The following PRDM12 variants were observed in gnomAD, a reference collection of about 807,000 sequenced individuals.
The protein encoded by PRDM12 is PR domain zinc finger protein 12.
In PRDM12, 17 loss-of-function variants were observed where a neutral mutation model predicts 29.6. The observed-to-expected ratio is 0.57, with a 90% CI of 0.39 to 0.86. The LOEUF (loss-of-function observed/expected upper bound fraction) is 0.86, where lower values mean the gene tolerates loss of function less well. PRDM12 is among the 40% of genes least tolerant of loss of function. PRDM12 has a pLI of 0.00. For synonymous variants in PRDM12, 231 were observed against 225.8 expected, an observed-to-expected ratio of 1.02 and a Z score of -0.21; for missense variants, 422 against 510.8, an observed-to-expected ratio of 0.83 and a Z score of 1.68.
chr9:130,674,640 A>G (rs570052243), intron 3 of PRDM12, among the ~76,000 whole-genome samples: 1 of 152,192 alleles, frequency 6.6e-6, no homozygotes, highest in Non-Finnish European at 1.5e-5. Context: ...AATAGTCTCG[A>G]AATGGCAAAC....
intron 3 of PRDM12, among the ~76,000 whole-genome samples, chr9:130,675,048 T>A (rs1021600875): frequency 6.6e-5 from 10 of 151,972 alleles, no homozygotes; most frequent in African/African-American, 2.4e-4. Flanking sequence ...CCTGGCTAAT[T>A]TTTGTATTTT....
intron 1 of PRDM12, 78 bp from the exon 2 acceptor site, chr9:130,666,530 G>A: frequency 9.0e-6 from 14 of 1,547,106 alleles, no homozygotes; most frequent in Middle Eastern, 2.2e-4. Flanking sequence ...GACCGAAGCC[G>A]GGGTCCCGGC....
At chr9:130,678,139 A>C (rs75686705) in intron 3 of PRDM12, among the ~76,000 whole-genome samples, 4,845 of 152,038 alleles carry the variant, frequency 0.032, 291 homozygotes, top group African/African-American at 0.11. Flanking sequence ...CCCTTCTTGG[A>C]AACATCTGGC....
In PRDM12 at chr9:130,666,644, A is replaced by C. The variant is rs1246369238; in HGVS notation, c.260A>C (p.Glu87Ala). The change falls in exon 2 of 5, where the codon GAG (glutamate) becomes GCG (alanine). Residue 87 changes from glutamate to alanine, a missense_variant. Physicochemically the swap from Glu to Ala is moderately radical, Grantham distance 107 (BLOSUM62 -1). Coordinates refer to ENST00000253008, the MANE Select transcript of PRDM12 (RefSeq NM_021619.3). ...CTGTCCAGCCTGGTGCTGCCTGCGG[A>C]GGTGATCATCGCTCAGAGCTCCATC... is the stretch of plus-strand genomic sequence containing the variant. Reference protein sequence around the residue: ...QKLSSLVLPAEVIIAQSSIPG... With the variant: ...QKLSSLVLPAAVIIAQSSIPG... 3.7e-6 allele frequency: 6 copies of C among 1,612,600 alleles called. No homozygotes were observed. Among genetic ancestry groups the C allele is most frequent in the Non-Finnish European group, 5.1e-6 (6 of 1,179,600 alleles).
At chr9:130,679,330 CTTTTTTTTTTT>C (rs68186892) in intron 4 of PRDM12, among the ~76,000 whole-genome samples, 3 of 116,540 alleles carry the variant, frequency 2.6e-5, no homozygotes, top group South Asian at 2.8e-4. Flanking sequence ...TTCTTTCTTC[CTTTTTTTTTTT>C]TTTTTTTTTG....
intron 3 of PRDM12, among the ~76,000 whole-genome samples, chr9:130,677,539 T>C (rs192470616): frequency 1.1e-4 from 17 of 152,328 alleles, no homozygotes; most frequent in Non-Finnish European, 1.9e-4. Flanking sequence ...CATCGGATAG[T>C]GGCCCCCAGG....
chr9:130,670,251 T>C (rs528501728), intron 3 of PRDM12, among the ~76,000 whole-genome samples: 32 of 152,114 alleles, frequency 2.1e-4, no homozygotes, highest in Middle Eastern at 6.8e-3. Flanking sequence ...GACCGACCTT[T>C]AGTCCATGTT....
chr9:130,666,881 CG>C, intron 2 of PRDM12, 83 bp downstream of exon 2: 1 of 1,484,456 alleles, frequency 6.7e-7, no homozygotes, highest in Non-Finnish European at 9.0e-7. Flanking sequence ...CGGCCGTCGC[CG>C]CTTCCACCCG....
chr9:130,681,613 G>T lies in PRDM12; in HGVS notation c.1048G>T (p.Ala350Ser). ...CGCGCACGCGCCCGCGCTCGCCGCC[G>T]CCGCCGCCGCCGCCGCCGCCGCCGC... ...PHAHAPALAA[A>S]AAAAAAAAAH... Residue 350 changes from alanine (A) to serine (S), a missense_variant, in exon 5 of 5, where the codon GCC becomes TCC. Physicochemically the swap from Ala to Ser is moderately conservative, Grantham distance 99. This residue lies in a region of PRDM12 where 66 missense variants were observed against 61.5 expected (regional missense o/e 1.07). Transcript: ENST00000253008. The surrounding 1 kb of genome is among the most constrained non-coding windows in gnomAD (Gnocchi z 8.1). 1.2e-6 allele frequency: 1 copy of T among 816,324 alleles called. No individual in the cohort carries two copies. Among genetic ancestry groups the T allele is most frequent in the Non-Finnish European group, 1.5e-6 (1 of 686,870 alleles). 50.6% of individuals were successfully genotyped at this position (816,324 alleles called of 1,614,324 possible).
At chr9:130,678,125 C>T (rs1369915926) in intron 3 of PRDM12, among the ~76,000 whole-genome samples, 1 of 152,038 alleles carries the variant, frequency 6.6e-6, no homozygotes, top group Non-Finnish European at 1.5e-5. Flanking sequence ...TGCCCCACAG[C>T]CCACCCTTCT....
intron 3 of PRDM12, among the ~76,000 whole-genome samples, chr9:130,677,886 G>A (rs1376444751): frequency 6.6e-6 from 1 of 152,160 alleles, no homozygotes; most frequent in African/African-American, 2.4e-5. Flanking sequence ...CATTGACCTA[G>A]GACGCGGTGA....
rs117831999 is a variant in PRDM12, at chr9:130,671,356, A to G, written c.570+3043A>G. Among the ~76,000 whole-genome samples, 4 of 149,820 alleles carry G rather than the reference A, an allele frequency of 2.7e-5. No individual in the cohort carries two copies. In the East Asian group the frequency reaches 5.9e-4, roughly 22 times the overall value. On this transcript the variant is annotated intron_variant, in intron 3 of 4. Coordinates refer to ENST00000253008, the MANE Select transcript of PRDM12 (RefSeq NM_021619.3). ...AGACTCCGTCTCAACAACAACAACA[A>G]CAAAAAAAGAGGATCAGGACACACA...
At chr9:130,674,010 C>CTTT (rs35863613) in intron 3 of PRDM12, among the ~76,000 whole-genome samples, 75 of 71,834 alleles carry the variant, frequency 1.0e-3, no homozygotes, top group African/African-American at 1.3e-3. Context: ...TTCTTTCTTT[C>CTTT]TTTTTTTTTT....
intron 3 of PRDM12, among the ~76,000 whole-genome samples, chr9:130,669,891 G>C (rs1398279299): frequency 6.6e-6 from 1 of 151,240 alleles, no homozygotes; most frequent in Non-Finnish European, 1.5e-5. Flanking sequence ...GCTGAGCCAG[G>C]AAGGTTCAGA....
intron 4 of PRDM12, among the ~76,000 whole-genome samples, chr9:130,680,623 T>TAAAAA (rs753422507): frequency 8.9e-5 from 7 of 78,948 alleles, no homozygotes; most frequent in East Asian, 1.1e-3. Context: ...AGACTCCGTC[T>TAAAAA]AAAAAAAAAA....
In PRDM12 at chr9:130,681,179, G is replaced by A. The variant is rs1830896594; in HGVS notation, c.683-69G>A. 4 of 1,323,228 alleles carry A rather than the reference G, an allele frequency of 3.0e-6. No individual in the cohort carries two copies. Among genetic ancestry groups the A allele is most frequent in the Non-Finnish European group, 2.9e-6 (3 of 1,030,674 alleles). The allele number at this position is 1,323,228 out of a possible 1,614,324, so 82.0% of individuals were successfully genotyped here. On this transcript the variant is annotated intron_variant, in intron 4 of 4. Transcript: ENST00000253008. This position sits in a 1 kb window ranked among gnomAD's most constrained non-coding sequence, Gnocchi z 8.1. Reference sequence around the variant, plus strand: ...CTGAGGGCCCGGGCTGCGGGGCGCCGGTTCTAACGGGGCTGCTCTCTCCCC... The same window carrying A: ...CTGAGGGCCCGGGCTGCGGGGCGCCAGTTCTAACGGGGCTGCTCTCTCCCC...
At position 130,681,155 on chromosome 9, in the gene PRDM12, T is replaced by TTG; in HGVS notation, c.683-93_683-92insTG. The TTG allele has an allele frequency of 7.9e-7, 1 of 1,263,388 alleles. No homozygotes were observed. The highest frequency in any genetic ancestry group is 1.0e-6 in the Non-Finnish European group (1 of 979,980). The allele number at this position is 1,263,388 out of a possible 1,614,324, so 78.3% of individuals were successfully genotyped here. On this transcript the variant is annotated intron_variant, in intron 4 of 4. Transcript: ENST00000253008. The surrounding 1 kb of genome is among the most constrained non-coding windows in gnomAD (Gnocchi z 8.1). Reference sequence around the variant, plus strand: ...CGGACCGGCCCCGGGCTGGGGGCGCTGAGGGCCCGGGCTGCGGGGCGCCGG... The same window carrying TTG: ...CGGACCGGCCCCGGGCTGGGGGCGCTTGGAGGGCCCGGGCTGCGGGGCGCCGG...
At chr9:130,665,769 C>G (rs1866974) in intron 1 of PRDM12, among the ~76,000 whole-genome samples, 2 of 151,996 alleles carry the variant, frequency 1.3e-5, no homozygotes, top group African/African-American at 2.4e-5. Flanking sequence ...TTTAACCCCC[C>G]CCTTTCAGCC....
chr9:130,673,628 T>C (rs1029140446), intron 3 of PRDM12, among the ~76,000 whole-genome samples: 10 of 151,370 alleles, frequency 6.6e-5, no homozygotes, highest in Non-Finnish European at 1.5e-4. Flanking sequence ...CCTGAATAGA[T>C]GGGAGTACAG....
Sources: allele counts gnomAD v4.1 joint callset (sites outside exome capture counted in the v4.1 genomes callset), GRCh38; gene constraint gnomAD v4.1.1; regional missense constraint gnomAD v4.1.1; non-coding constraint Gnocchi (gnomAD v3.1); transcripts MANE v1.5; gene names NCBI Gene and HGNC (gene_info 2026-07-23, HGNC 2026-07-21).